TVP23C: variants seen among roughly 807,000 people sequenced by gnomAD.
The protein encoded by TVP23C is trans-golgi network vesicle protein 23 homolog C.
In TVP23C, 19 loss-of-function variants were observed where a neutral mutation model predicts 28.7. That is an observed-to-expected ratio of 0.66 (90% CI 0.46 to 0.97). The LOEUF (loss-of-function observed/expected upper bound fraction) is 0.97, where lower values mean the gene tolerates loss of function less well. Ranked by LOEUF, TVP23C falls within the 50% of genes least tolerant of loss-of-function variation. The pLI, the probability that TVP23C is intolerant of heterozygous loss-of-function variation, is 0.00. For missense variants in TVP23C, 186 were observed against 241.3 expected, an observed-to-expected ratio of 0.77 and a Z score of 1.52; for synonymous variants, 68 against 81.7, an observed-to-expected ratio of 0.83 and a Z score of 0.90.
At position 15,538,008 on chromosome 17, in the gene TVP23C, T is replaced by G; in HGVS notation, c.*2404A>C. The G allele has an allele frequency of 7.2e-6, 11 of 1,522,634 alleles. No homozygotes were observed. Among genetic ancestry groups the G allele is most frequent in the Non-Finnish European group, 9.7e-6 (11 of 1,136,162 alleles). The allele number at this position is 1,522,634 out of a possible 1,614,324, so 94.3% of individuals were successfully genotyped here. A position where few individuals can be genotyped will look rare whatever the true frequency, so the allele number is the denominator to read the frequency against. ...ACTTTTCCTTTTTATAAATAAAGTT[T>G]TTAAGTGGAAAAACAAAGCCAACAC... is the stretch of plus-strand genomic sequence containing the variant. On this transcript the variant is annotated 3_prime_UTR_variant, in exon 6 of 6. Transcript: ENST00000518321.
intron 5 of TVP23C, among the ~76,000 whole-genome samples, chr17:15,527,144 C>T (rs1982762906): frequency 6.6e-6 from 1 of 152,104 alleles, no homozygotes; most frequent in Non-Finnish European, 1.5e-5. Context: ...AAGGAAGTCC[C>T]CCTACTTTAA....
intron 5 of TVP23C, among the ~76,000 whole-genome samples, chr17:15,542,732 TC>T (rs1567640512): frequency 1.3e-5 from 2 of 152,156 alleles, no homozygotes; most frequent in African/African-American, 2.4e-5. Context: ...GCCTTGGCCC[TC>T]CCAAAGTGCT....
At chr17:15,506,121 G>A (rs915050698) in intron 5 of TVP23C, among the ~76,000 whole-genome samples, 2 of 152,270 alleles carry the variant, frequency 1.3e-5, no homozygotes, top group Admixed American at 1.3e-4. Flanking sequence ...GCCCCGGTGC[G>A]GGATCCACTA....
chr17:15,545,537 T>C (rs1246249331), intron 5 of TVP23C, among the ~76,000 whole-genome samples: 1 of 152,304 alleles, frequency 6.6e-6, no homozygotes, highest in African/African-American at 2.4e-5. Context: ...CCAAAACAGA[T>C]TACCAACCAT....
chr17:15,528,631 G>C (rs1785097524), intron 5 of TVP23C, among the ~76,000 whole-genome samples: 1 of 151,420 alleles, frequency 6.6e-6, no homozygotes, highest in South Asian at 2.1e-4. Flanking sequence ...GTTTGAGATG[G>C]AGTCTCATTT....
chr17:15,507,070 T>G, intron 5 of TVP23C: 1 of 1,203,406 alleles, frequency 8.3e-7, no homozygotes. Context: ...TGACTTCACA[T>G]GCCATAATGG....
rs1983731099 is a variant in TVP23C, at chr17:15,548,240, C to A, written c.241-1092G>T. Among the ~76,000 whole-genome samples, 4 of 152,318 alleles carry A rather than the reference C, an allele frequency of 2.6e-5. No homozygotes were observed. In the South Asian group the frequency reaches 8.3e-4, roughly 32 times the overall value. On this transcript the variant is annotated intron_variant, in intron 3 of 5. Transcript: ENST00000518321. ...GGCATGCAACGGGGCGATCTCAGCT[C>A]ACCACAACCTCTGCCTCCCGGGTTC...
chr17:15,542,443 A>G (rs1983453103), intron 5 of TVP23C, among the ~76,000 whole-genome samples: 1 of 152,002 alleles, frequency 6.6e-6, no homozygotes. Context: ...TGTGGTCTTA[A>G]CCCATTTATT....
At chr17:15,530,591 C>T (rs2150842031) in intron 5 of TVP23C, among the ~76,000 whole-genome samples, 1 of 152,228 alleles carries the variant, frequency 6.6e-6, no homozygotes, top group South Asian at 2.1e-4. Flanking sequence ...TTCATATTTA[C>T]CTATGTAGTT....
intron 5 of TVP23C, among the ~76,000 whole-genome samples, chr17:15,517,513 G>A (rs1982280656): frequency 6.6e-6 from 1 of 152,128 alleles, no homozygotes; most frequent in African/African-American, 2.4e-5. Flanking sequence ...TATCCAATAA[G>A]GGTGATACTT....
intron 5 of TVP23C, chr17:15,507,311 G>C (rs1567629203): frequency 1.3e-6 from 1 of 762,116 alleles, no homozygotes. Flanking sequence ...GGAATGGCAA[G>C]ACCAGCAAGA....
intron 5 of TVP23C, among the ~76,000 whole-genome samples, chr17:15,519,478 A>G (rs780528633): frequency 1.1e-4 from 7 of 62,364 alleles, no homozygotes; most frequent in Non-Finnish European, 3.0e-4. Flanking sequence ...TCTCAAATAA[A>G]TATACACACA....
At chr17:15,523,708 G>A (rs1982586759) in intron 5 of TVP23C, among the ~76,000 whole-genome samples, 1 of 150,996 alleles carries the variant, frequency 6.6e-6, no homozygotes, top group African/African-American at 2.4e-5. Flanking sequence ...CCGCCTCCCA[G>A]GTTCACGCCA....
intron 5 of TVP23C, among the ~76,000 whole-genome samples, chr17:15,514,350 G>C (rs1567631429): frequency 6.6e-6 from 1 of 152,034 alleles, no homozygotes; most frequent in Non-Finnish European, 1.5e-5. Flanking sequence ...ATGAATCTTA[G>C]GATTTCTGTT....
chr17:15,540,600 T>G (rs754891748), intron 5 of TVP23C, 39 bp from the exon 6 acceptor site: 1 of 1,603,708 alleles, frequency 6.2e-7, no homozygotes, highest in Non-Finnish European at 8.5e-7. Context: ...GTTACTGGCC[T>G]GAAATTGACC....
At position 15,539,111 on chromosome 17, in the gene TVP23C, G is replaced by A. The variant is rs149879978; in HGVS notation, c.*1301C>T. 2 of 969,412 alleles carry A rather than the reference G, an allele frequency of 2.1e-6. No individual in the cohort carries two copies. Among genetic ancestry groups the A allele is most frequent in the African/African-American group, 3.5e-5 (2 of 56,920 alleles). 60.1% of individuals were successfully genotyped at this position (969,412 alleles called of 1,614,324 possible). ...TGTAATCCCTGGACCAGTGCCCTCA[G>A]TACCACCCAGAAACTTGGGAGAAAT... On this transcript the variant is annotated 3_prime_UTR_variant, in exon 6 of 6. Coordinates refer to ENST00000518321, the MANE Select transcript of TVP23C (RefSeq NM_001135036.2).
chr17:15,530,314 T>C (rs1301654321), intron 5 of TVP23C, among the ~76,000 whole-genome samples: 1 of 152,206 alleles, frequency 6.6e-6, no homozygotes, highest in Admixed American at 6.5e-5. Flanking sequence ...TTTTTGAGTT[T>C]TTTTTCCTAG....
intron 5 of TVP23C, chr17:15,503,391 C>A: frequency 2.2e-6 from 2 of 907,514 alleles, no homozygotes; most frequent in Non-Finnish European, 3.2e-6. Flanking sequence ...GGCGACAGAG[C>A]AAGACCATGA....
At chr17:15,547,820 T>G (rs1254669128) in intron 3 of TVP23C, among the ~76,000 whole-genome samples, 12 of 152,216 alleles carry the variant, frequency 7.9e-5, no homozygotes, top group Non-Finnish European at 1.6e-4. Context: ...CAGGGAAATT[T>G]GATCTAGTCT....
Sources: gnomAD v4.1 joint callset for allele counts (sites outside exome capture counted in the v4.1 genomes callset) on GRCh38, gnomAD v4.1.1 for gene constraint, MANE v1.5 for transcripts, NCBI Gene and HGNC (gene_info 2026-07-23, HGNC 2026-07-21) for gene names.